The following FRK variants were observed in gnomAD, a reference collection of about 807,000 sequenced individuals.
The protein encoded by FRK is tyrosine-protein kinase FRK.
In FRK, 51 loss-of-function variants were observed where a neutral mutation model predicts 56.4. The ratio of observed to expected loss-of-function variants is 0.90; its 90% CI spans 0.72 to 1.14. FRK has a LOEUF of 1.14. Among genes scored for constraint, FRK ranks in the 50% most tolerant of loss-of-function variants. The probability of loss-of-function intolerance (pLI) is 0.00; values close to 1 mark genes in which losing one functional copy is unlikely to be tolerated. For synonymous variants in FRK, 245 were observed against 217.9 expected, an observed-to-expected ratio of 1.12 and a Z score of -1.10; for missense variants, 570 against 601.4, an observed-to-expected ratio of 0.95 and a Z score of 0.55.
At chr6:116,025,047 G>T (rs1024824018) in intron 1 of FRK, among the ~76,000 whole-genome samples, 5 of 151,914 alleles carry the variant, frequency 3.3e-5, no homozygotes, top group African/African-American at 1.2e-4. Flanking sequence ...TGTGTTTTTT[G>T]GCTGCATAAA....
chr6:116,095,387 A>G, the FRK span, among the ~76,000 whole-genome samples: 8 of 152,384 alleles, frequency 5.2e-5, no homozygotes, highest in East Asian at 1.5e-3. Context: ...AGCCATCTAT[A>G]TCAATTCTAA....
chr6:115,936,987 T>C lies in FRK; in HGVS notation c.*5427A>G, dbSNP rs1232501837. The C allele has an allele frequency of 1.3e-5, 2 of 152,248 alleles. No individual in the cohort carries two copies. The highest frequency in any genetic ancestry group is 3.4e-3 in the Middle Eastern group (1 of 294). The allele number at this position is 152,248 out of a possible 1,614,324, so 9.4% of individuals were successfully genotyped here. ...GGAAATACAGAGAACGCCACAAAGATACTCCTCGAGCAGAGCAACCCCAAG... is the reference window on the plus strand; with the variant it reads ...GGAAATACAGAGAACGCCACAAAGACACTCCTCGAGCAGAGCAACCCCAAG... On this transcript the variant is annotated 3_prime_UTR_variant, in exon 8 of 8. Transcript: ENST00000606080.
At chr6:115,948,261 G>A (rs748549288) in intron 5 of FRK, among the ~76,000 whole-genome samples, 2 of 152,130 alleles carry the variant, frequency 1.3e-5, no homozygotes, top group African/African-American at 4.8e-5. Context: ...CAGTCCAACA[G>A]CCCAGGAGGA....
intron 1 of FRK, among the ~76,000 whole-genome samples, chr6:116,032,108 C>T (rs1776322504): frequency 6.6e-6 from 1 of 152,046 alleles, no homozygotes; most frequent in South Asian, 2.1e-4. Context: ...GGGTCAGGAA[C>T]TGTGTATCAT....
At chr6:115,980,060 T>C (rs1774138620) in intron 2 of FRK, among the ~76,000 whole-genome samples, 1 of 152,154 alleles carries the variant, frequency 6.6e-6, no homozygotes, top group Non-Finnish European at 1.5e-5. Context: ...ATGAGCAATA[T>C]CATCATTAAC....
intron 2 of FRK, among the ~76,000 whole-genome samples, chr6:116,000,705 A>C (rs770298781): frequency 6.6e-6 from 1 of 152,200 alleles, no homozygotes; most frequent in Non-Finnish European, 1.5e-5. Flanking sequence ...TTAAGCATAA[A>C]GATTTCAAAA....
chr6:115,970,211 G>A (rs1773750139), intron 2 of FRK, among the ~76,000 whole-genome samples: 2 of 151,924 alleles, frequency 1.3e-5, no homozygotes, highest in African/African-American at 4.8e-5. Context: ...GAAGTGGAGT[G>A]ACTTCCCACA....
chr6:115,958,645 A>AGG, intron 4 of FRK, among the ~76,000 whole-genome samples: 1 of 1,776 alleles, frequency 5.6e-4, no homozygotes, highest in African/African-American at 2.1e-3. Context: ...GAAAGAAAGA[A>AGG]AAGAAAGAAA....
chr6:116,042,932 C>A (rs371619411), intron 1 of FRK, among the ~76,000 whole-genome samples: 1 of 151,778 alleles, frequency 6.6e-6, no homozygotes, highest in South Asian at 2.1e-4. Context: ...AGCAGGGTTG[C>A]AATCCTAGTC....
At position 115,934,743 on chromosome 6, in the gene FRK, T is replaced by A. The variant is rs1005259439; in HGVS notation, c.*7671A>T. 1.3e-5 allele frequency: 2 copies of A among 152,238 alleles called. No homozygotes were observed. The highest frequency in any genetic ancestry group is 2.9e-5 in the Non-Finnish European group (2 of 68,030). The allele number at this position is 152,238 out of a possible 1,614,324, so 9.4% of individuals were successfully genotyped here. On this transcript the variant is annotated 3_prime_UTR_variant, in exon 8 of 8. Transcript: ENST00000606080. ...ATACTCAAAATATTCTGCTTTCTCA[T>A]GGCTTGTTTCATTCCTATTGCTTTA... is the stretch of plus-strand genomic sequence containing the variant.
chr6:116,062,001 AGAAG>A (rs1777643556), upstream of FRK, among the ~76,000 whole-genome samples: 2 of 151,748 alleles, frequency 1.3e-5, no homozygotes, highest in African/African-American at 4.8e-5. Context: ...AAAGAAAGAA[AGAAG>A]GAAAGAAAGA....
chr6:115,943,489 CAAA>C (rs35923228), intron 6 of FRK, among the ~76,000 whole-genome samples: 20 of 59,550 alleles, frequency 3.4e-4, no homozygotes, highest in African/African-American at 6.9e-4. Flanking sequence ...TGGTCTTGAG[CAAA>C]AAAAAAAAAA....
chr6:116,038,865 C>A, intron 1 of FRK: 1 of 551,280 alleles, frequency 1.8e-6, no homozygotes. Flanking sequence ...CCGGCCAACA[C>A]TGAGGTGGTT....
chr6:115,953,711 G>C (rs1582641258), intron 5 of FRK, among the ~76,000 whole-genome samples: 1 of 152,176 alleles, frequency 6.6e-6, no homozygotes, highest in African/African-American at 2.4e-5. Context: ...AAAGGTGTTA[G>C]CCATGTACCA....
Position 115,941,811 on chromosome 6 carries a change from T to G in FRK, c.*603A>C, listed in dbSNP as rs1281389620. ...TTCCTTCTGCAAAATGAAAAAGACT[T>G]CGTTTTCTCAACAGCTGCATCATTT... On this transcript the variant is annotated 3_prime_UTR_variant, in exon 8 of 8. Transcript: ENST00000606080. 1 of 152,708 alleles carries G rather than the reference T, an allele frequency of 6.5e-6. No homozygotes were observed. Among genetic ancestry groups the G allele is most frequent in the Non-Finnish European group, 1.5e-5 (1 of 68,128 alleles). The allele number at this position is 152,708 out of a possible 1,614,324, so 9.5% of individuals were successfully genotyped here.
chr6:115,994,613 G>T (rs1774765272), intron 2 of FRK, among the ~76,000 whole-genome samples: 2 of 152,040 alleles, frequency 1.3e-5, no homozygotes, highest in South Asian at 4.1e-4. Context: ...CTTTGCAATT[G>T]TTATGACCTG....
chr6:115,943,489 CAAAA>C (rs35923228), intron 6 of FRK, among the ~76,000 whole-genome samples: 9 of 59,536 alleles, frequency 1.5e-4, no homozygotes, highest in Non-Finnish European at 1.1e-4. Flanking sequence ...TGGTCTTGAG[CAAAA>C]AAAAAAAAAA....
At position 115,936,101 on chromosome 6, in the gene FRK, G is replaced by T. The variant is rs961030087; in HGVS notation, c.*6313C>A. The T allele has an allele frequency of 6.8e-5, 11 of 161,122 alleles. No individual in the cohort carries two copies. Among genetic ancestry groups the T allele is most frequent in the Non-Finnish European group, 1.5e-4 (11 of 75,670 alleles). The allele number at this position is 161,122 out of a possible 1,614,324, so 10.0% of individuals were successfully genotyped here. ...ACCTCATACAGGAGAGCTCTGGCTG[G>T]CATCCAGTGGGTGCCCCTCTGGGAC... On this transcript the variant is annotated 3_prime_UTR_variant, in exon 8 of 8. Coordinates refer to ENST00000606080, the MANE Select transcript of FRK (RefSeq NM_002031.3).
chr6:116,094,242 C>T, the FRK span, among the ~76,000 whole-genome samples: 2 of 152,324 alleles, frequency 1.3e-5, no homozygotes, highest in African/African-American at 4.8e-5. Flanking sequence ...ACCAGAATCC[C>T]CCAACAAGAT....
Sources: gnomAD v4.1 joint callset for allele counts (sites outside exome capture counted in the v4.1 genomes callset) on GRCh38, gnomAD v4.1.1 for gene constraint, MANE v1.5 for transcripts, NCBI Gene and HGNC (gene_info 2026-07-23, HGNC 2026-07-21) for gene names.